The following MYRIP variants were observed in gnomAD, a reference collection of about 807,000 sequenced individuals.
MYRIP encodes the protein myosin VIIA and Rab interacting protein.
MYRIP carries 49 observed loss-of-function variants against 98.0 expected under a neutral mutation model. The observed-to-expected ratio is 0.50, with a 90% CI of 0.40 to 0.63. The LOEUF is 0.63. MYRIP is among the 30% of genes least tolerant of loss of function. MYRIP has a pLI of 0.00. For missense variants in MYRIP, 1,004 were observed against 1,058.2 expected (o/e 0.95, Z 0.71); for synonymous variants, 404 against 409.5 (o/e 0.99, Z 0.16).
chr3:39,989,117 G>GT (rs949562410), intron 2 of MYRIP, among the ~76,000 whole-genome samples: 2 of 151,818 alleles, frequency 1.3e-5, no homozygotes, highest in African/African-American at 2.4e-5. Flanking sequence ...GATTTTCAGC[G>GT]TTTTTTTCGT....
intron 1 of MYRIP, among the ~76,000 whole-genome samples, chr3:39,860,545 CG>C (rs1942437065): frequency 6.6e-6 from 1 of 152,192 alleles, no homozygotes; most frequent in Non-Finnish European, 1.5e-5. Flanking sequence ...TGGCCTCTCA[CG>C]GGGGCCCAGC....
intron 3 of MYRIP, among the ~76,000 whole-genome samples, chr3:40,068,481 CT>C (rs1948164846): frequency 6.6e-6 from 1 of 152,168 alleles, no homozygotes; most frequent in South Asian, 2.1e-4. Context: ...CAGAGTTACA[CT>C]AAGGATGTAT....
rs943862483 is a variant in MYRIP at position 39,930,027 on chromosome 3, C to T, written c.110+29101C>T. Among the ~76,000 whole-genome samples the T allele has an allele frequency of 3.3e-4, 50 of 152,086 alleles. 1 individual carries two copies. Among genetic ancestry groups the T allele is most frequent in the African/African-American group, 1.1e-3 (46 of 41,542 alleles). On this transcript the variant is annotated intron_variant, in intron 2 of 16. Coordinates refer to ENST00000302541, the MANE Select transcript of MYRIP (RefSeq NM_015460.4). Reference sequence around the variant, plus strand: ...TAATGCTATTATGAATATTCATTAACAAGCTTTTGTGCAGAAATATGTTTC... The same window carrying T: ...TAATGCTATTATGAATATTCATTAATAAGCTTTTGTGCAGAAATATGTTTC...
chr3:39,946,596 G>C (rs1324095898), intron 2 of MYRIP, among the ~76,000 whole-genome samples: 1 of 152,132 alleles, frequency 6.6e-6, no homozygotes, highest in African/African-American at 2.4e-5. Flanking sequence ...ATAGTCCCCA[G>C]CCAACAGCTG....
chr3:40,247,020 C>T (rs973031956), intron 13 of MYRIP, among the ~76,000 whole-genome samples: 2 of 152,134 alleles, frequency 1.3e-5, no homozygotes, highest in Admixed American at 6.6e-5. Context: ...AATTTATTGT[C>T]AAAGATATAT....
At chr3:39,997,596 A>G (rs1283419170) in intron 2 of MYRIP, among the ~76,000 whole-genome samples, 6 of 152,214 alleles carry the variant, frequency 3.9e-5, no homozygotes, top group African/African-American at 1.2e-4. Context: ...GCCGAATTCT[A>G]CCAGAGGTAC....
intron 16 of MYRIP, among the ~76,000 whole-genome samples, chr3:40,257,628 AT>A (rs1953641258): frequency 6.6e-6 from 1 of 152,206 alleles, no homozygotes; most frequent in Admixed American, 6.5e-5. Flanking sequence ...ACTCGGTGAA[AT>A]TTTCCTTGAA....
chr3:40,223,849 G>A (rs2371135), intron 11 of MYRIP, among the ~76,000 whole-genome samples: 13,188 of 152,228 alleles, frequency 0.087, 889 homozygotes, highest in African/African-American at 0.2. Flanking sequence ...GTAGACACAT[G>A]AAGGGGAAGA....
At chr3:39,844,671 A>T (rs1170650593) in intron 1 of MYRIP, among the ~76,000 whole-genome samples, 1 of 152,198 alleles carries the variant, frequency 6.6e-6, no homozygotes, top group Non-Finnish European at 1.5e-5. Context: ...TTATGTCCAT[A>T]GTCAGAGGTT....
intron 1 of MYRIP, among the ~76,000 whole-genome samples, chr3:39,854,434 T>C (rs955155434): frequency 2.0e-5 from 3 of 152,134 alleles, no homozygotes; most frequent in Non-Finnish European, 4.4e-5. Context: ...TAGTCTATTG[T>C]TGACATTTTT....
intron 16 of MYRIP, 141 bp downstream of exon 16, chr3:40,252,140 A>G: frequency 1.5e-6 from 1 of 669,454 alleles, no homozygotes; most frequent in Non-Finnish European, 2.5e-6. Context: ...GTTGGATTTG[A>G]CTGGGGGGTG....
chr3:40,192,307 TTC>T (rs1559444811), intron 10 of MYRIP, among the ~76,000 whole-genome samples: 1 of 8,762 alleles, frequency 1.1e-4, no homozygotes, highest in Non-Finnish European at 3.6e-4. Flanking sequence ...GTTAGTTTTC[TTC>T]ATATATATAT....
intron 13 of MYRIP, among the ~76,000 whole-genome samples, chr3:40,247,378 T>G (rs1436775076): frequency 6.6e-6 from 1 of 152,196 alleles, no homozygotes; most frequent in East Asian, 1.9e-4. Flanking sequence ...GTTTACCACA[T>G]TATTGTATTT....
chr3:40,135,045 C>T (rs904940403), intron 3 of MYRIP, among the ~76,000 whole-genome samples: 20 of 152,200 alleles, frequency 1.3e-4, no homozygotes, highest in Admixed American at 9.2e-4. Flanking sequence ...ATGACTTTGA[C>T]GAGTTGAGAA....
chr3:40,235,875 ACACTAT>A (rs1413472791), intron 12 of MYRIP, among the ~76,000 whole-genome samples: 1 of 152,212 alleles, frequency 6.6e-6, no homozygotes, highest in Non-Finnish European at 1.5e-5. Flanking sequence ...GAAGGGTTAA[ACACTAT>A]CAGCCAAGTC....
At chr3:39,835,675 T>C (rs891501432) in intron 1 of MYRIP, among the ~76,000 whole-genome samples, 2 of 152,144 alleles carry the variant, frequency 1.3e-5, no homozygotes, top group African/African-American at 4.8e-5. Flanking sequence ...ACATGTGCCA[T>C]GGTGGTTTGC....
At chr3:39,957,352 T>C (rs953020714) in intron 2 of MYRIP, among the ~76,000 whole-genome samples, 1 of 149,906 alleles carries the variant, frequency 6.7e-6, no homozygotes, top group Non-Finnish European at 1.5e-5. Flanking sequence ...GCTTCATCCC[T>C]GGGATGCAAG....
chr3:40,138,052 C>G (rs571271705), intron 3 of MYRIP, among the ~76,000 whole-genome samples: 1 of 152,322 alleles, frequency 6.6e-6, no homozygotes, highest in East Asian at 1.9e-4. Flanking sequence ...GTCATTCTCC[C>G]TAGGGAAATG....
chr3:40,003,030 ATATATC>A (rs937440557), intron 2 of MYRIP, among the ~76,000 whole-genome samples: 25 of 41,822 alleles, frequency 6.0e-4, no homozygotes, highest in Middle Eastern at 0.012. Flanking sequence ...GTAGATATCT[ATATATC>A]TATAGATATA....
Sources: allele counts gnomAD v4.1 joint callset (sites outside exome capture counted in the v4.1 genomes callset), GRCh38; gene constraint gnomAD v4.1.1; transcripts MANE v1.5; gene names NCBI Gene and HGNC (gene_info 2026-07-23, HGNC 2026-07-21).